The following PITPNC1 variants were observed in gnomAD, a reference collection of about 807,000 sequenced individuals.
PITPNC1 encodes the protein cytoplasmic phosphatidylinositol transfer protein 1.
A neutral mutation model predicts 44.7 loss-of-function variants in PITPNC1; 18 were observed. The ratio of observed to expected loss-of-function variants is 0.40; its 90% CI spans 0.28 to 0.60. PITPNC1 has a LOEUF of 0.60. PITPNC1 is among the 20% of genes least tolerant of loss of function. The probability of loss-of-function intolerance (pLI) is 0.39; values close to 1 mark genes in which losing one functional copy is unlikely to be tolerated. For synonymous variants in PITPNC1, 141 were observed against 149.6 expected (o/e 0.94, Z 0.42); for missense variants, 290 against 418.4 (o/e 0.69, Z 2.68).
chr17:67,647,461 TGG>T (rs775756372), intron 6 of PITPNC1, among the ~76,000 whole-genome samples: 3,781 of 106,290 alleles, frequency 0.036, 64 homozygotes, highest in Middle Eastern at 0.049. Context: ...CAGCTAATTT[TGG>T]GTTTTTTTTT....
chr17:67,569,050 G>A (rs1422971134), intron 4 of PITPNC1, among the ~76,000 whole-genome samples: 1 of 151,906 alleles, frequency 6.6e-6, no homozygotes, highest in South Asian at 2.1e-4. Context: ...CCCATCCCCA[G>A]GGCCCCCATT....
chr17:67,626,274 C>T (rs2041894696), intron 5 of PITPNC1, among the ~76,000 whole-genome samples: 1 of 152,182 alleles, frequency 6.6e-6, no homozygotes. Flanking sequence ...GGATGAGCCG[C>T]TGTTCCCAGT....
At chr17:67,547,619 T>A (rs1286854194) in intron 2 of PITPNC1, among the ~76,000 whole-genome samples, 1 of 152,216 alleles carries the variant, frequency 6.6e-6, no homozygotes, top group Non-Finnish European at 1.5e-5. Flanking sequence ...TTTGGCCTAA[T>A]GATGTTCAAA....
At chr17:67,513,395 A>G (rs1200290398) in intron 1 of PITPNC1, among the ~76,000 whole-genome samples, 3 of 147,714 alleles carry the variant, frequency 2.0e-5, no homozygotes, top group Non-Finnish European at 4.4e-5. Context: ...ATCTATATCT[A>G]TATCTATATC....
At chr17:67,556,754 C>G (rs2040843023) in intron 4 of PITPNC1, among the ~76,000 whole-genome samples, 1 of 152,148 alleles carries the variant, frequency 6.6e-6, no homozygotes, top group Non-Finnish European at 1.5e-5. Context: ...GGGACCACTC[C>G]AAGAGCCTTC....
intron 1 of PITPNC1, among the ~76,000 whole-genome samples, chr17:67,497,301 C>T (rs894162466): frequency 6.6e-6 from 1 of 150,998 alleles, no homozygotes; most frequent in African/African-American, 2.4e-5. Flanking sequence ...CTCACTGCAA[C>T]CTCCGATTCC....
rs1057047506 is a variant in PITPNC1 at position 67,694,277 on chromosome 17, C to T, written c.*1389C>T. The T allele has an allele frequency of 1.3e-5, 2 of 152,242 alleles. No homozygotes were observed. Among genetic ancestry groups the T allele is most frequent in the Non-Finnish European group, 2.9e-5 (2 of 68,080 alleles). 9.4% of individuals were successfully genotyped at this position (152,242 alleles called of 1,614,324 possible). A position where few individuals can be genotyped will look rare whatever the true frequency, so the allele number is the denominator to read the frequency against. ...AATCTCAGCATTGACTTTTGTCCTC[C>T]AAGAGAGGAAGAGAAGAAGTAATTG... On this transcript the variant is annotated 3_prime_UTR_variant, in exon 9 of 9. Coordinates refer to ENST00000581322, the MANE Select transcript of PITPNC1 (RefSeq NM_012417.4).
chr17:67,647,479 T>G (rs797019491), intron 6 of PITPNC1, among the ~76,000 whole-genome samples: 40 of 139,162 alleles, frequency 2.9e-4, no homozygotes, highest in African/African-American at 9.1e-4. Flanking sequence ...TTTTTTTTTT[T>G]TTTTTTTTTT....
chr17:67,566,446 C>T (rs148032773), intron 4 of PITPNC1, among the ~76,000 whole-genome samples: 3,562 of 152,290 alleles, frequency 0.023, 151 homozygotes, highest in Admixed American at 0.086. Flanking sequence ...TCAAGTGATC[C>T]ACCCGTGTCA....
chr17:67,514,412 G>C (rs1415659988), intron 1 of PITPNC1, among the ~76,000 whole-genome samples: 1 of 151,070 alleles, frequency 6.6e-6, no homozygotes, highest in Non-Finnish European at 1.5e-5. Flanking sequence ...TGTTGGCCAG[G>C]CTGGTCTTGA....
chr17:67,569,245 G>A (rs1166198994), intron 4 of PITPNC1, among the ~76,000 whole-genome samples: 8 of 152,144 alleles, frequency 5.3e-5, no homozygotes, highest in South Asian at 2.1e-4. Context: ...AACCCTAATC[G>A]ATCACTGGAC....
At chr17:67,539,904 A>G (rs938230868) in intron 2 of PITPNC1, among the ~76,000 whole-genome samples, 4 of 152,104 alleles carry the variant, frequency 2.6e-5, no homozygotes. Flanking sequence ...TACTATTAAG[A>G]TATACAATAT....
At chr17:67,416,895 C>G (rs940188923) in intron 1 of PITPNC1, among the ~76,000 whole-genome samples, 1 of 152,072 alleles carries the variant, frequency 6.6e-6, no homozygotes, top group Admixed American at 6.6e-5. Context: ...TCACCGCAAC[C>G]TCTGCCTCCC....
intron 1 of PITPNC1, among the ~76,000 whole-genome samples, chr17:67,478,289 G>A (rs2039658155): frequency 6.6e-6 from 1 of 152,284 alleles, no homozygotes; most frequent in East Asian, 1.9e-4. Context: ...GCTGTCCGTG[G>A]TCTTTTGAAA....
chr17:67,399,067 T>C (rs1185635689), intron 1 of PITPNC1, among the ~76,000 whole-genome samples: 1 of 137,984 alleles, frequency 7.2e-6, no homozygotes, highest in Non-Finnish European at 1.5e-5. Flanking sequence ...CAGGCTGGAG[T>C]GCAGTGGTGC....
intron 1 of PITPNC1, among the ~76,000 whole-genome samples, chr17:67,525,835 C>T (rs538631196): frequency 6.6e-6 from 1 of 152,318 alleles, no homozygotes; most frequent in South Asian, 2.1e-4. Flanking sequence ...TGATATCACT[C>T]TCTGCTTTTC....
intron 1 of PITPNC1, among the ~76,000 whole-genome samples, chr17:67,398,888 C>G (rs1277663234): frequency 6.6e-6 from 1 of 151,984 alleles, no homozygotes; most frequent in African/African-American, 2.4e-5. Context: ...TCGCTCAGCT[C>G]ATGAGGCATG....
chr17:67,460,281 G>T (rs755214248), intron 1 of PITPNC1, among the ~76,000 whole-genome samples: 1 of 152,112 alleles, frequency 6.6e-6, no homozygotes. Context: ...TTCTCCCAGC[G>T]CGGGCACTCA....
chr17:67,528,889 A>C (rs2040424561), intron 1 of PITPNC1, among the ~76,000 whole-genome samples: 1 of 152,130 alleles, frequency 6.6e-6, no homozygotes, highest in Non-Finnish European at 1.5e-5. Context: ...TCTGAGAGTC[A>C]ATACGAGATT....
Sources: gnomAD v4.1 joint callset for allele counts (sites outside exome capture counted in the v4.1 genomes callset) on GRCh38, gnomAD v4.1.1 for gene constraint, MANE v1.5 for transcripts, NCBI Gene and HGNC (gene_info 2026-07-23, HGNC 2026-07-21) for gene names.